Variants in MYRIP observed in about 807,000 individuals in gnomAD.
MYRIP encodes rab effector MyRIP.
In MYRIP, 49 loss-of-function variants were observed where a neutral mutation model predicts 98.0. The observed-to-expected ratio is 0.50, with a 90% CI of 0.40 to 0.63. The LOEUF is 0.63. Among genes scored for constraint, MYRIP ranks in the 30% least tolerant of loss-of-function variants. The pLI is 0.00. For missense variants in MYRIP, 1,004 were observed against 1,058.2 expected (o/e 0.95, Z 0.71); for synonymous variants, 404 against 409.5 (o/e 0.99, Z 0.16).
intron 1 of MYRIP, among the ~76,000 whole-genome samples, chr3:39,823,775 T>C (rs1941185577): frequency 6.6e-6 from 1 of 152,170 alleles, no homozygotes; most frequent in Non-Finnish European, 1.5e-5. Flanking sequence ...AGTTTGCAAA[T>C]ATTTTTTTCT....
At chr3:40,142,008 G>T (rs1054767375) in intron 3 of MYRIP, among the ~76,000 whole-genome samples, 2 of 148,230 alleles carry the variant, frequency 1.3e-5, no homozygotes, top group African/African-American at 5.0e-5. Context: ...GATAGGGATT[G>T]CATTGAACCT....
intron 1 of MYRIP, among the ~76,000 whole-genome samples, chr3:39,826,563 G>T (rs1941273387): frequency 6.6e-6 from 1 of 152,052 alleles, no homozygotes; most frequent in Non-Finnish European, 1.5e-5. Flanking sequence ...CTTGTTTTGT[G>T]TCCTAACATA....
At chr3:39,886,361 A>G (rs1291937551) in intron 1 of MYRIP, among the ~76,000 whole-genome samples, 2 of 150,976 alleles carry the variant, frequency 1.3e-5, no homozygotes, top group African/African-American at 2.4e-5. Flanking sequence ...ATGTAAATGG[A>G]CTAAATGCTC....
chr3:39,902,390 T>C (rs1475806927), intron 2 of MYRIP, among the ~76,000 whole-genome samples: 1 of 152,228 alleles, frequency 6.6e-6, no homozygotes, highest in African/African-American at 2.4e-5. Context: ...TTGAAGTTTG[T>C]GGTCACTATT....
chr3:40,079,250 C>CTGA (rs1948423080), intron 3 of MYRIP, among the ~76,000 whole-genome samples: 4 of 152,224 alleles, frequency 2.6e-5, no homozygotes, highest in Admixed American at 2.6e-4. Flanking sequence ...TTACACTGGA[C>CTGA]TGATAGCCAT....
intron 2 of MYRIP, among the ~76,000 whole-genome samples, chr3:39,913,582 A>T (rs1944078400): frequency 6.6e-6 from 1 of 152,226 alleles, no homozygotes; most frequent in Non-Finnish European, 1.5e-5. Context: ...AGAACCCCTG[A>T]AATGGACTAA....
intron 4 of MYRIP, among the ~76,000 whole-genome samples, chr3:40,154,586 G>A (rs888286610): frequency 6.6e-6 from 1 of 152,120 alleles, no homozygotes; most frequent in African/African-American, 2.4e-5. Flanking sequence ...TACATCTGCA[G>A]GACGTGCAGG....
In MYRIP at chr3:40,218,627, T is replaced by TATA. The variant is rs1553629270; in HGVS notation, c.1905+8535_1905+8537dup. On this transcript the variant is annotated intron_variant, in intron 11 of 16. Coordinates refer to ENST00000302541, the MANE Select transcript of MYRIP (RefSeq NM_015460.4). ...TATATATATTTTATATATATATATATATATATATATATATATATATATATA... is the reference window on the plus strand; with the variant it reads ...TATATATATTTTATATATATATATATATAATATATATATATATATATATATATA... 6.9e-3 allele frequency among the ~76,000 whole-genome samples: 117 copies of TATA among 16,936 alleles called. 2 individuals are homozygous for TATA. The highest frequency in any genetic ancestry group is 9.9e-3 in the African/African-American group (110 of 11,156). The allele number at this position is 16,936 out of a possible 152,430, so 11.1% of individuals were successfully genotyped here. A position where few individuals can be genotyped will look rare whatever the true frequency, so the allele number is the denominator to read the frequency against.
chr3:40,141,693 G>A (rs1325884109), intron 3 of MYRIP, among the ~76,000 whole-genome samples: 1 of 152,104 alleles, frequency 6.6e-6, no homozygotes, highest in Non-Finnish European at 1.5e-5. Flanking sequence ...CCCATTTGTG[G>A]AAAAGACTGT....
chr3:40,222,995 A>C (rs190758384), intron 11 of MYRIP, among the ~76,000 whole-genome samples: 1 of 152,308 alleles, frequency 6.6e-6, no homozygotes, highest in Admixed American at 6.5e-5. Context: ...AAATCTACAT[A>C]TGAATTTCAA....
chr3:40,158,151 C>G (rs190472574), intron 4 of MYRIP, among the ~76,000 whole-genome samples: 4 of 152,184 alleles, frequency 2.6e-5, no homozygotes, highest in African/African-American at 9.6e-5. Flanking sequence ...AAATTTCCCT[C>G]TACACACTGC....
intron 1 of MYRIP, among the ~76,000 whole-genome samples, chr3:39,900,178 G>A (rs1270442896): frequency 2.0e-5 from 3 of 152,082 alleles, no homozygotes; most frequent in African/African-American, 7.2e-5. Flanking sequence ...CTGCTTAGAG[G>A]TGTTTCCCTA....
chr3:40,082,063 C>T (rs767165878), intron 3 of MYRIP, among the ~76,000 whole-genome samples: 1 of 152,114 alleles, frequency 6.6e-6, no homozygotes, highest in African/African-American at 2.4e-5. Context: ...TCTTTATCTA[C>T]TAAATGGCCA....
intron 2 of MYRIP, among the ~76,000 whole-genome samples, chr3:39,910,396 A>G (rs188891077): frequency 1.9e-4 from 29 of 152,338 alleles, no homozygotes; most frequent in Non-Finnish European, 1.6e-4. Context: ...AATTAGGACC[A>G]TCTTGGAAAA....
At chr3:39,870,355 TCC>T (rs1205743772) in intron 1 of MYRIP, among the ~76,000 whole-genome samples, 1,001 of 46,298 alleles carry the variant, frequency 0.022, 10 homozygotes, top group African/African-American at 0.12. Flanking sequence ...TCCAATTTGT[TCC>T]ATTCTTCCAA....
intron 2 of MYRIP, among the ~76,000 whole-genome samples, chr3:39,919,484 G>T (rs1185802459): frequency 1.3e-5 from 2 of 152,194 alleles, no homozygotes; most frequent in African/African-American, 2.4e-5. Context: ...GCCTTGCCTT[G>T]CCCTGTCCAT....
intron 3 of MYRIP, among the ~76,000 whole-genome samples, chr3:40,096,043 T>TC (rs988391461): frequency 9.9e-6 from 1 of 101,416 alleles, no homozygotes; most frequent in African/African-American, 3.8e-5. Context: ...CCATCCCCCC[T>TC]CCCCCAGACT....
intron 11 of MYRIP, among the ~76,000 whole-genome samples, chr3:40,215,454 G>T (rs928473803): frequency 1.3e-5 from 2 of 152,014 alleles, no homozygotes; most frequent in Non-Finnish European, 2.9e-5. Flanking sequence ...AGAATAATTT[G>T]TGCATCTTCT....
intron 1 of MYRIP, among the ~76,000 whole-genome samples, chr3:39,847,628 T>A (rs887539774): frequency 3.9e-5 from 6 of 152,178 alleles, no homozygotes; most frequent in Non-Finnish European, 8.8e-5. Flanking sequence ...GTGATTTTGA[T>A]ACCCACAGAG....
Sources: allele counts gnomAD v4.1 joint callset (sites outside exome capture counted in the v4.1 genomes callset), GRCh38; gene constraint gnomAD v4.1.1; transcripts MANE v1.5; gene names NCBI Gene and HGNC (gene_info 2026-07-23, HGNC 2026-07-21).